The following ALDH9A1 variants were observed in gnomAD, a reference collection of about 807,000 sequenced individuals.
ALDH9A1 encodes 4-trimethylaminobutyraldehyde dehydrogenase.
ALDH9A1 carries 42 observed loss-of-function variants against 56.6 expected under a neutral mutation model. The observed-to-expected ratio is 0.74, with a 90% CI of 0.58 to 0.96. The LOEUF (loss-of-function observed/expected upper bound fraction) is 0.96. Among genes scored for constraint, ALDH9A1 ranks in the 40% least tolerant of loss-of-function variants. The pLI is 0.00. For missense variants in ALDH9A1, 661 were observed against 651.5 expected (o/e 1.01, Z -0.16); for synonymous variants, 242 against 236.0 (o/e 1.03, Z -0.23).
chr1:165,680,523 T>G lies in ALDH9A1; in HGVS notation c.753A>C (p.Lys251Asn), dbSNP rs1649514683. 2 of 1,614,010 alleles carry G rather than the reference T, an allele frequency of 1.2e-6. No homozygotes were observed. The highest frequency in any genetic ancestry group is 1.3e-5 in the African/African-American group (1 of 74,922). Residue 251 changes from lysine (K) to asparagine (N), a missense_variant, in exon 5 of 11, where the codon AAA becomes AAC. Physicochemically the swap from Lys to Asn is moderately conservative, Grantham distance 94. Transcript: ENST00000354775. ...TGGGCACACTTCCAGTGAAGGAGAC[T>G]TTGGCCACATCGGGATGCTGACACA... ...QFLCQHPDVAKVSFTGSVPTG... is the reference protein window; with the variant it reads ...QFLCQHPDVANVSFTGSVPTG...
intron 6 of ALDH9A1, among the ~76,000 whole-genome samples, chr1:165,675,585 G>T (rs1649332746): frequency 6.6e-6 from 1 of 152,096 alleles, no homozygotes; most frequent in African/African-American, 2.4e-5. Flanking sequence ...CACAGGATGG[G>T]GAGCAGTAAC....
At chr1:165,688,385 G>T (rs1348304967) in intron 2 of ALDH9A1, among the ~76,000 whole-genome samples, 1 of 152,184 alleles carries the variant, frequency 6.6e-6, no homozygotes, top group Non-Finnish European at 1.5e-5. Flanking sequence ...AATGACAGCA[G>T]ACAGATATCT....
chr1:165,684,496 G>A (rs554320256), intron 2 of ALDH9A1, among the ~76,000 whole-genome samples: 1 of 152,134 alleles, frequency 6.6e-6, no homozygotes, highest in Non-Finnish European at 1.5e-5. Context: ...TACCCTAAGA[G>A]GAAAACATAC....
chr1:165,685,201 A>T (rs73014546), intron 2 of ALDH9A1, among the ~76,000 whole-genome samples: 2,023 of 152,126 alleles, frequency 0.013, 47 homozygotes, highest in African/African-American at 0.047. Context: ...CCTCTATATC[A>T]CCCTGCTTTA....
At chr1:165,678,412 A>G (rs1571174017) in intron 6 of ALDH9A1, among the ~76,000 whole-genome samples, 1 of 152,320 alleles carries the variant, frequency 6.6e-6, no homozygotes, top group East Asian at 1.9e-4. Flanking sequence ...ATAGAATGAA[A>G]TAAGAATCCA....
chr1:165,681,710 G>A (rs1571176794), intron 4 of ALDH9A1, among the ~76,000 whole-genome samples: 1 of 152,236 alleles, frequency 6.6e-6, no homozygotes, highest in Admixed American at 6.5e-5. Flanking sequence ...AGACCCAAAT[G>A]AAGAAAGGAG....
At chr1:165,685,922 TCCC>T (rs1339116153) in intron 2 of ALDH9A1, among the ~76,000 whole-genome samples, 2 of 152,146 alleles carry the variant, frequency 1.3e-5, no homozygotes, top group African/African-American at 4.8e-5. Context: ...ACATTCTCCC[TCCC>T]CTTTTAATCC....
chr1:165,662,974 T>G lies in ALDH9A1; in HGVS notation c.*76A>C. 7.8e-7 allele frequency: 1 copy of G among 1,281,218 alleles called. No homozygotes were observed. Among genetic ancestry groups the G allele is most frequent in the South Asian group, 1.2e-5 (1 of 83,978 alleles). The allele number at this position is 1,281,218 out of a possible 1,614,324, so 79.4% of individuals were successfully genotyped here. Reference sequence around the variant, plus strand: ...TTCTGGATGTAAAATAACATTCAGTTGTACTGCCTCTGTAAACAGGGCCAA... The same window carrying G: ...TTCTGGATGTAAAATAACATTCAGTGGTACTGCCTCTGTAAACAGGGCCAA... On this transcript the variant is annotated 3_prime_UTR_variant, in exon 11 of 11. Coordinates refer to ENST00000354775, the MANE Select transcript of ALDH9A1 (RefSeq NM_000696.4).
intron 2 of ALDH9A1, among the ~76,000 whole-genome samples, chr1:165,691,670 C>A (rs904930620): frequency 2.0e-5 from 3 of 152,208 alleles, no homozygotes; most frequent in Non-Finnish European, 2.9e-5. Context: ...TGAGCTGGTA[C>A]TATTCCTTCT....
intron 6 of ALDH9A1, among the ~76,000 whole-genome samples, chr1:165,673,101 CAA>C (rs1235930104): frequency 3.5e-5 from 2 of 57,278 alleles, no homozygotes; most frequent in Non-Finnish European, 7.3e-5. Flanking sequence ...TATTCAATTG[CAA>C]AAAAAAAAAA....
intron 6 of ALDH9A1, among the ~76,000 whole-genome samples, chr1:165,673,862 G>T (rs6667075): frequency 0.23 from 34,553 of 151,962 alleles, 5,187 homozygotes; most frequent in East Asian, 0.8. Flanking sequence ...CTTAAGTAGG[G>T]GCTGGGTAAA....
chr1:165,677,857 CAAAA>C (rs35531113), intron 6 of ALDH9A1, among the ~76,000 whole-genome samples: 5 of 87,150 alleles, frequency 5.7e-5, no homozygotes, highest in African/African-American at 4.5e-5. Context: ...GACTCTGTCT[CAAAA>C]AAAAAAAAAA....
At chr1:165,668,757 C>G (rs1212842147) in intron 8 of ALDH9A1, 169 bp downstream of exon 8, 4 of 523,838 alleles carry the variant, frequency 7.6e-6, no homozygotes, top group Admixed American at 3.7e-5. Context: ...GAGGGGCACA[C>G]AGAAGGCTTC....
intron 6 of ALDH9A1, among the ~76,000 whole-genome samples, chr1:165,676,067 ATAAT>A (rs1649345939): frequency 6.6e-6 from 1 of 152,244 alleles, no homozygotes; most frequent in African/African-American, 2.4e-5. Flanking sequence ...GTATTAGACT[ATAAT>A]TAAAGTATCT....
chr1:165,687,642 C>T (rs1436588019), intron 2 of ALDH9A1, among the ~76,000 whole-genome samples: 1 of 152,054 alleles, frequency 6.6e-6, no homozygotes, highest in Admixed American at 6.6e-5. Flanking sequence ...AAAAGAAAGA[C>T]TTTTTTAGAC....
At chr1:165,688,095 T>C (rs997428856) in intron 2 of ALDH9A1, among the ~76,000 whole-genome samples, 2 of 152,100 alleles carry the variant, frequency 1.3e-5, no homozygotes, top group Non-Finnish European at 2.9e-5. Flanking sequence ...GGCAGGAGGA[T>C]GACTTGAGCC....
intron 3 of ALDH9A1, chr1:165,682,766 T>C (rs545109991): frequency 1.3e-5 from 7 of 520,854 alleles, no homozygotes; most frequent in East Asian, 3.1e-5. Context: ...TTACATGCAC[T>C]ATCTCATTTA....
At chr1:165,672,521 T>C (rs565193280) in intron 6 of ALDH9A1, among the ~76,000 whole-genome samples, 15 of 152,118 alleles carry the variant, frequency 9.9e-5, no homozygotes, top group African/African-American at 3.4e-4. Context: ...AGAAACAGAG[T>C]TATTATTTAA....
rs1159675636 is a variant in ALDH9A1, at chr1:165,669,296, C to T, written c.1085G>A (p.Arg362Gln). 7 of 1,609,130 alleles carry T rather than the reference C, an allele frequency of 4.4e-6. No individual in the cohort carries two copies. Among genetic ancestry groups the T allele is most frequent in the African/African-American group, 1.3e-5 (1 of 74,768 alleles). ...GPLINRPHLE[R>Q]VLGFVKVAKE... ...TGCCACTTTGACAAACCCAAGGACTCGCTCCAGGTGTGGTCGGTTGATGAG... is the reference window on the plus strand; with the variant it reads ...TGCCACTTTGACAAACCCAAGGACTTGCTCCAGGTGTGGTCGGTTGATGAG... Residue 362 changes from arginine (R) to glutamine (Q), a missense_variant, in exon 7 of 11, where the codon CGA becomes CAA. Transcript: ENST00000354775.
Sources: gnomAD v4.1 joint callset for allele counts (sites outside exome capture counted in the v4.1 genomes callset) on GRCh38, gnomAD v4.1.1 for gene constraint, MANE v1.5 for transcripts, NCBI Gene and HGNC (gene_info 2026-07-23, HGNC 2026-07-21) for gene names.